The following RIPOR3 variants were observed in gnomAD, a reference collection of about 807,000 sequenced individuals.
RIPOR3 encodes RIPOR family member 3, also known as family with sequence similarity 65 member C.
RIPOR3 carries 95 observed loss-of-function variants against 114.3 expected under a neutral mutation model. The observed-to-expected ratio is 0.83, with a 90% CI of 0.70 to 0.99. The LOEUF is 0.99. RIPOR3 is among the 50% of genes least tolerant of loss of function. The pLI is 0.00. For missense variants in RIPOR3, 1,252 were observed against 1,266.9 expected, an observed-to-expected ratio of 0.99 and a Z score of 0.18; for synonymous variants, 575 against 543.8, an observed-to-expected ratio of 1.06 and a Z score of -0.80.
intron 1 of RIPOR3, among the ~76,000 whole-genome samples, chr20:50,657,818 A>G (rs1373854799): frequency 1.4e-5 from 2 of 140,386 alleles, no homozygotes; most frequent in Non-Finnish European, 3.0e-5. Context: ...CAGTGATGCG[A>G]TCATACCTCA....
chr20:50,593,281 AG>A, intron 17 of RIPOR3, 85 bp from the exon 18 acceptor site: 2 of 1,490,606 alleles, frequency 1.3e-6, no homozygotes, highest in Non-Finnish European at 1.8e-6. Context: ...GTCAGCTAAA[AG>A]GCTTTCTGGG....
At chr20:50,640,656 A>G (rs1473633042) in intron 1 of RIPOR3, among the ~76,000 whole-genome samples, 1 of 150,170 alleles carries the variant, frequency 6.7e-6, no homozygotes, top group Non-Finnish European at 1.5e-5. Flanking sequence ...TGGACAGCAG[A>G]GCAGCTTCCC....
At chr20:50,590,081 T>C (rs1054294201) in intron 19 of RIPOR3, 4 of 316,800 alleles carry the variant, frequency 1.3e-5, no homozygotes, top group African/African-American at 8.6e-5. Flanking sequence ...AGAAATCAGA[T>C]GCCCAGCTCA....
At chr20:50,613,402 G>C (rs1456091950) in intron 4 of RIPOR3, among the ~76,000 whole-genome samples, 1 of 151,878 alleles carries the variant, frequency 6.6e-6, no homozygotes, top group Non-Finnish European at 1.5e-5. Flanking sequence ...GCAGTGAATG[G>C]AGATCGTGAC....
chr20:50,682,612 A>ATG (rs71190593), intron 1 of RIPOR3, among the ~76,000 whole-genome samples: 4 of 146,790 alleles, frequency 2.7e-5, no homozygotes, highest in South Asian at 2.2e-4. Context: ...GTCTCAAAAT[A>ATG]TGTGTGTGTG....
At chr20:50,652,631 A>C (rs1373566166) in intron 1 of RIPOR3, among the ~76,000 whole-genome samples, 5 of 151,418 alleles carry the variant, frequency 3.3e-5, no homozygotes, top group Admixed American at 2.0e-4. Context: ...AAAGAAAAGA[A>C]AGAAAGAAAA....
intron 16 of RIPOR3, chr20:50,594,958 T>C: frequency 1.9e-6 from 1 of 531,024 alleles, no homozygotes; most frequent in Non-Finnish European, 3.4e-6. Context: ...CAGCCTCTCC[T>C]TACAGACAAG....
At chr20:50,606,736 TTTTC>T (rs1442443344) in intron 11 of RIPOR3, among the ~76,000 whole-genome samples, 2 of 152,028 alleles carry the variant, frequency 1.3e-5, no homozygotes, top group Non-Finnish European at 2.9e-5. Flanking sequence ...CCTTTTTTTT[TTTTC>T]TTTTTCTCTG....
chr20:50,589,576 G>C lies in RIPOR3; in HGVS notation c.2661+110C>G, dbSNP rs758355610. The C allele has an allele frequency of 4.3e-6, 5 of 1,172,382 alleles. No individual in the cohort carries two copies. In the Admixed American group the frequency reaches 1.0e-4, roughly 24 times the overall value. 72.6% of individuals were successfully genotyped at this position (1,172,382 alleles called of 1,614,324 possible). A position where few individuals can be genotyped will look rare whatever the true frequency, so the allele number is the denominator to read the frequency against. On this transcript the variant is annotated intron_variant, in intron 20 of 21. Transcript: ENST00000327979. Reference sequence around the variant, plus strand: ...CTCCCAAAGTGCTGAGATTACAGGCGTGAGCCATCACGCCCAGCCCCAGTG... The same window carrying C: ...CTCCCAAAGTGCTGAGATTACAGGCCTGAGCCATCACGCCCAGCCCCAGTG...
intron 2 of RIPOR3, among the ~76,000 whole-genome samples, chr20:50,627,677 T>C (rs1223018280): frequency 6.6e-6 from 1 of 151,200 alleles, no homozygotes; most frequent in Non-Finnish European, 1.5e-5. Flanking sequence ...AGAGAAACTG[T>C]CTCAAAAAAA....
intron 19 of RIPOR3, 78 bp downstream of exon 19, chr20:50,592,266 A>G (rs2083129964): frequency 7.0e-7 from 1 of 1,426,634 alleles, no homozygotes; most frequent in Admixed American, 2.4e-5. Flanking sequence ...ACTTCTTTGT[A>G]CTTTTCCATG....
intron 5 of RIPOR3, 106 bp from the exon 6 acceptor site, chr20:50,611,012 C>CGGGCCCGCCA: frequency 3.6e-6 from 1 of 276,318 alleles, no homozygotes; most frequent in Non-Finnish European, 5.4e-6. Flanking sequence ...GAATGGGGCC[C>CGGGCCCGCCA]CTCACCATCC....
At chr20:50,621,075 T>C in intron 2 of RIPOR3, 2 of 406,998 alleles carry the variant, frequency 4.9e-6, no homozygotes. Flanking sequence ...CAGGAAAGAC[T>C]GAGCCCCCTC....
At chr20:50,668,925 GCATGCACATGACATGCATTCA>G (rs1288720388) in intron 1 of RIPOR3, among the ~76,000 whole-genome samples, 26 of 151,290 alleles carry the variant, frequency 1.7e-4, no homozygotes, top group African/African-American at 5.6e-4. Context: ...CATGGCTCAT[GCATGCACATGACATGCATTCA>G]CATGCACACA....
rs149883624 is a variant in RIPOR3 at position 50,601,651 on chromosome 20, G to A, written c.1659+421C>T. ...CCTCCTGTGAACTGAGAACAGCCCC[G>A]GGGTATGAGCCCTGTGGAGAAGGTT... On this transcript the variant is annotated intron_variant, in intron 13 of 21. Coordinates refer to ENST00000327979, the MANE Select transcript of RIPOR3 (RefSeq NM_001290268.2). 5.1e-3 allele frequency among the ~76,000 whole-genome samples: 780 copies of A among 152,242 alleles called. 6 individuals are homozygous for A. Among genetic ancestry groups the A allele is most frequent in the African/African-American group, 0.018 (742 of 41,554 alleles).
At chr20:50,592,256 A>C in intron 19 of RIPOR3, 88 bp downstream of exon 19, 1 of 1,356,566 alleles carries the variant, frequency 7.4e-7, no homozygotes, top group Admixed American at 2.6e-5. Flanking sequence ...CCTGGCACTC[A>C]CTTCTTTGTA....
chr20:50,620,723 C>A, intron 2 of RIPOR3: 1 of 411,792 alleles, frequency 2.4e-6, no homozygotes, highest in Non-Finnish European at 4.3e-6. Flanking sequence ...AGTAATAAAG[C>A]TTTTCCACCA....
intron 15 of RIPOR3, among the ~76,000 whole-genome samples, chr20:50,595,728 G>C: frequency 6.6e-6 from 1 of 152,232 alleles, no homozygotes; most frequent in Non-Finnish European, 1.5e-5. Context: ...CAACCTGCCT[G>C]AAAGTGAAGC....
chr20:50,630,135 T>C (rs1312198186), intron 2 of RIPOR3, among the ~76,000 whole-genome samples: 2 of 152,092 alleles, frequency 1.3e-5, no homozygotes, highest in Admixed American at 1.3e-4. Context: ...ATCCAACTAA[T>C]TTTTGCATTT....
Sources: gnomAD v4.1 joint callset for allele counts (sites outside exome capture counted in the v4.1 genomes callset) on GRCh38, gnomAD v4.1.1 for gene constraint, MANE v1.5 for transcripts, NCBI Gene and HGNC (gene_info 2026-07-23, HGNC 2026-07-21) for gene names.